LRBA: variants seen among roughly 807,000 people sequenced by gnomAD.
The protein encoded by LRBA is lipopolysaccharide-responsive and beige-like anchor protein.
LRBA carries 176 observed loss-of-function variants against 330.0 expected under a neutral mutation model. The ratio of observed to expected loss-of-function variants is 0.53; its 90% CI spans 0.47 to 0.60. LRBA has a LOEUF of 0.60. Among genes scored for constraint, LRBA ranks in the 20% least tolerant of loss-of-function variants. The probability of loss-of-function intolerance (pLI) is 0.00; values close to 1 mark genes in which losing one functional copy is unlikely to be tolerated. For missense variants in LRBA, 3,259 were observed against 3,444.8 expected (o/e 0.95, Z 1.35); for synonymous variants, 1,230 against 1,193.0 (o/e 1.03, Z -0.64).
intron 36 of LRBA, among the ~76,000 whole-genome samples, chr4:150,696,694 A>G (rs1247726880): frequency 6.6e-6 from 1 of 152,152 alleles, no homozygotes; most frequent in African/African-American, 2.4e-5. Flanking sequence ...GAAAGAGAGA[A>G]AAAGAAGGAA....
At chr4:150,776,598 G>A (rs1429031805) in intron 34 of LRBA, among the ~76,000 whole-genome samples, 1 of 152,156 alleles carries the variant, frequency 6.6e-6, no homozygotes, top group Non-Finnish European at 1.5e-5. Flanking sequence ...TGGATCACCT[G>A]AGGCCAGGAA....
At chr4:150,885,562 A>G (rs1268442442) in intron 17 of LRBA, among the ~76,000 whole-genome samples, 2 of 152,190 alleles carry the variant, frequency 1.3e-5, no homozygotes, top group South Asian at 2.1e-4. Flanking sequence ...CAGAGGTTGT[A>G]GTGAGCCAAG....
intron 40 of LRBA, among the ~76,000 whole-genome samples, chr4:150,564,535 T>C (rs1189689654): frequency 4.0e-5 from 6 of 151,854 alleles, no homozygotes; most frequent in Non-Finnish European, 8.8e-5. Flanking sequence ...AATAGACAAA[T>C]GGGATCTAAT....
rs185773203 is a variant in LRBA, at chr4:150,646,266, A to T, written c.5921+37285T>A. ...AAGACAAAGATGACTTCAGGGTTTT[A>T]GCATGAGCAACGAGAAGGATAAATA... On this transcript the variant is annotated intron_variant, in intron 37 of 56. Transcript: ENST00000651943. 6.4e-4 allele frequency among the ~76,000 whole-genome samples: 98 copies of T among 152,164 alleles called. No individual in the cohort carries two copies. In the Middle Eastern group the frequency reaches 0.01, roughly 16 times the overall value.
At chr4:150,579,758 C>G (rs192077870) in intron 40 of LRBA, 1 of 455,172 alleles carries the variant, frequency 2.2e-6, no homozygotes, top group Non-Finnish European at 4.4e-6. Flanking sequence ...GCAGGACTTG[C>G]GGCGCGGCGG....
At chr4:151,014,087 G>A (rs1561134160) in intron 2 of LRBA, 1 of 189,898 alleles carries the variant, frequency 5.3e-6, no homozygotes, top group African/African-American at 2.3e-5. Context: ...ATTTAAAGTG[G>A]TAAAGGGAAA....
rs755198903 is a variant in LRBA, at chr4:150,953,413, G to A, written c.217-24348C>T. ...CTTTGCACGGTCTCCCTCTGATGCCGAGCCAAGGCTGGACTGTACTGCCGC... is the reference window on the plus strand; with the variant it reads ...CTTTGCACGGTCTCCCTCTGATGCCAAGCCAAGGCTGGACTGTACTGCCGC... On this transcript the variant is annotated intron_variant, in intron 2 of 56. Coordinates refer to ENST00000651943, the MANE Select transcript of LRBA (RefSeq NM_001364905.1). Among the ~76,000 whole-genome samples the A allele has an allele frequency of 8.0e-5, 9 of 112,552 alleles. No individual in the cohort carries two copies. In the South Asian group the frequency reaches 2.6e-3, roughly 32 times the overall value. 73.8% of individuals were successfully genotyped at this position (112,552 alleles called of 152,430 possible).
chr4:150,895,045 C>T (rs1579123169), intron 16 of LRBA, among the ~76,000 whole-genome samples: 1 of 151,756 alleles, frequency 6.6e-6, no homozygotes, highest in East Asian at 1.9e-4. Context: ...TTAAAGAAGG[C>T]ACTACTCCAT....
chr4:150,666,372 C>A (rs532175478), intron 37 of LRBA, among the ~76,000 whole-genome samples: 1 of 152,008 alleles, frequency 6.6e-6, no homozygotes, highest in East Asian at 1.9e-4. Flanking sequence ...ATCAGTCAGG[C>A]ATGGTGGTGT....
At chr4:150,624,310 C>A (rs1357166599) in intron 37 of LRBA, among the ~76,000 whole-genome samples, 14 of 140,326 alleles carry the variant, frequency 1.0e-4, no homozygotes, top group South Asian at 2.3e-4. Context: ...ACCTCCCTAT[C>A]AAAAAAAAAA....
intron 34 of LRBA, among the ~76,000 whole-genome samples, chr4:150,765,473 T>G (rs1341685601): frequency 2.6e-5 from 4 of 152,072 alleles, no homozygotes; most frequent in Non-Finnish European, 4.4e-5. Context: ...TCGTGAAGAA[T>G]GCTGACAAGA....
chr4:150,543,179 C>T (rs1464399872), intron 40 of LRBA, among the ~76,000 whole-genome samples: 2 of 152,084 alleles, frequency 1.3e-5, no homozygotes, highest in East Asian at 1.9e-4. Flanking sequence ...CTTGAAAAGG[C>T]CACAGCTTTA....
At chr4:150,965,624 C>G (rs962472261) in intron 2 of LRBA, among the ~76,000 whole-genome samples, 1 of 152,044 alleles carries the variant, frequency 6.6e-6, no homozygotes, top group Non-Finnish European at 1.5e-5. Context: ...ACTGTAGCCA[C>G]AACCTCCTGG....
chr4:150,375,801 A>G (rs1741228859), intron 47 of LRBA, among the ~76,000 whole-genome samples: 1 of 151,962 alleles, frequency 6.6e-6, no homozygotes, highest in East Asian at 1.9e-4. Context: ...TCCTGATACC[A>G]TTTTATAGGT....
intron 37 of LRBA, among the ~76,000 whole-genome samples, chr4:150,616,871 G>T (rs1040464549): frequency 1.3e-5 from 2 of 152,108 alleles, no homozygotes; most frequent in African/African-American, 4.8e-5. Context: ...AACATAAAGA[G>T]ATTCTAGTAG....
At chr4:150,550,859 T>A (rs555528228) in intron 40 of LRBA, among the ~76,000 whole-genome samples, 2 of 152,304 alleles carry the variant, frequency 1.3e-5, no homozygotes, top group East Asian at 3.9e-4. Flanking sequence ...CTTCCTCATA[T>A]AAGATTACTC....
intron 36 of LRBA, among the ~76,000 whole-genome samples, chr4:150,711,424 G>A (rs1786200617): frequency 6.6e-6 from 1 of 151,814 alleles, no homozygotes; most frequent in African/African-American, 2.4e-5. Flanking sequence ...TTTTAGTAGA[G>A]AAGGGGTTTC....
intron 26 of LRBA, among the ~76,000 whole-genome samples, chr4:150,845,192 C>T (rs1002462070): frequency 2.0e-5 from 3 of 152,060 alleles, no homozygotes; most frequent in Non-Finnish European, 4.4e-5. Flanking sequence ...ATGAACTAGT[C>T]GAGGTAACAA....
chr4:150,876,840 A>G (rs1178978954), intron 17 of LRBA, among the ~76,000 whole-genome samples: 1 of 152,206 alleles, frequency 6.6e-6, no homozygotes, highest in Non-Finnish European at 1.5e-5. Context: ...TCATGATAGG[A>G]TCAAAATCTC....
Sources: allele counts gnomAD v4.1 joint callset (sites outside exome capture counted in the v4.1 genomes callset), GRCh38; gene constraint gnomAD v4.1.1; transcripts MANE v1.5; gene names NCBI Gene and HGNC (gene_info 2026-07-23, HGNC 2026-07-21).